Variants in ACSM4 observed in about 807,000 individuals in gnomAD.
The protein encoded by ACSM4 is acyl-coenzyme A synthetase ACSM4, mitochondrial.
In ACSM4, 66 loss-of-function variants were observed where a neutral mutation model predicts 73.0. That is an observed-to-expected ratio of 0.90 (90% CI 0.74 to 1.11). The LOEUF is 1.11. ACSM4 is among the 50% of genes least tolerant of loss of function. The pLI, the probability that ACSM4 is intolerant of heterozygous loss-of-function variation, is 0.00. For synonymous variants in ACSM4, 222 were observed against 254.0 expected, an observed-to-expected ratio of 0.87 and a Z score of 1.20; for missense variants, 645 against 714.4, an observed-to-expected ratio of 0.90 and a Z score of 1.11.
chr12:7,324,871 A>G (rs1946492371), intron 11 of ACSM4, among the ~76,000 whole-genome samples: 1 of 152,064 alleles, frequency 6.6e-6, no homozygotes, highest in Admixed American at 6.5e-5. Flanking sequence ...ATAAGTGACA[A>G]GTACTTAAGT....
chr12:7,308,594 A>G (rs1946373401), intron 2 of ACSM4, among the ~76,000 whole-genome samples: 1 of 152,218 alleles, frequency 6.6e-6, no homozygotes, highest in Non-Finnish European at 1.5e-5. Context: ...GTACATTCAT[A>G]TCACCAATCT....
chr12:7,316,762 G>A (rs935411646), intron 3 of ACSM4, among the ~76,000 whole-genome samples: 6 of 152,132 alleles, frequency 3.9e-5, no homozygotes, highest in Admixed American at 1.3e-4. Flanking sequence ...AACATTAATA[G>A]CAATGTATGA....
At chr12:7,305,409 A>G (rs1946356581) in intron 1 of ACSM4, among the ~76,000 whole-genome samples, 1 of 152,248 alleles carries the variant, frequency 6.6e-6, no homozygotes, top group African/African-American at 2.4e-5. Context: ...GTAGCGAAGT[A>G]TACAAAATAA....
intron 3 of ACSM4, among the ~76,000 whole-genome samples, chr12:7,312,387 A>C (rs1340916142): frequency 6.6e-6 from 1 of 152,220 alleles, no homozygotes; most frequent in Admixed American, 6.5e-5. Flanking sequence ...GCTGTGAAAA[A>C]ATGAGTGAAG....
intron 3 of ACSM4, among the ~76,000 whole-genome samples, chr12:7,311,806 G>A (rs1399301463): frequency 2.0e-5 from 3 of 151,982 alleles, no homozygotes; most frequent in Non-Finnish European, 2.9e-5. Flanking sequence ...CCTCCCACCT[G>A]AGCCTCCTGA....
chr12:7,305,375 G>A (rs185241467), intron 1 of ACSM4, among the ~76,000 whole-genome samples: 8 of 152,232 alleles, frequency 5.3e-5, no homozygotes, highest in Non-Finnish European at 8.8e-5. Context: ...ATGTATACAC[G>A]TAAAAAGTAA....
intron 12 of ACSM4, 137 bp downstream of exon 12, chr12:7,327,232 G>T (rs1946514517): frequency 8.8e-7 from 1 of 1,139,028 alleles, no homozygotes; most frequent in East Asian, 2.7e-5. Flanking sequence ...TTAACCCTAA[G>T]AATTTTGCTT....
Position 7,306,567 on chromosome 12 carries a change from G to A in ACSM4, c.236G>A (p.Trp79Ter), listed in dbSNP as rs61938907. Residue 79 changes from tryptophan (W) to a stop codon, truncating the protein, a stop_gained, in exon 2 of 13, where the codon TGG becomes TAG. Coordinates refer to ENST00000399422, the MANE Select transcript of ACSM4 (RefSeq NM_001080454.2). LOFTEE classifies it high-confidence loss of function. ...GERPANPALW[W>*]VNGKGDEVKW... is the part of the protein sequence containing the mutation. ...AGACCAGCTAACCCAGCCCTGTGGT[G>A]GGTGAATGGCAAAGGGGATGAGGTA... 6 of 1,600,874 alleles carry A rather than the reference G, an allele frequency of 3.7e-6. No individual in the cohort carries two copies. The highest frequency in any genetic ancestry group is 8.5e-7 in the Non-Finnish European group (1 of 1,173,828).
At chr12:7,315,317 A>C (rs1946414722) in intron 3 of ACSM4, among the ~76,000 whole-genome samples, 1 of 152,238 alleles carries the variant, frequency 6.6e-6, no homozygotes, top group Non-Finnish European at 1.5e-5. Flanking sequence ...GAAATTAAAA[A>C]TATGATACAC....
intron 3 of ACSM4, among the ~76,000 whole-genome samples, chr12:7,315,348 C>T (rs76655996): frequency 0.059 from 8,995 of 152,014 alleles, 327 homozygotes; most frequent in African/African-American, 0.099. Flanking sequence ...TGGTGGCTTA[C>T]GCCTGTAATC....
intron 2 of ACSM4, 144 bp from the exon 3 acceptor site, chr12:7,310,395 T>A: frequency 2.6e-6 from 2 of 758,530 alleles, no homozygotes; most frequent in Admixed American, 2.3e-5. Flanking sequence ...CAGGGTCCTG[T>A]GCAATATCCT....
At chr12:7,316,083 T>A (rs1946418901) in intron 3 of ACSM4, among the ~76,000 whole-genome samples, 1 of 152,158 alleles carries the variant, frequency 6.6e-6, no homozygotes, top group Non-Finnish European at 1.5e-5. Context: ...AGGACATAAG[T>A]CTGCCCTATA....
Position 7,310,636 on chromosome 12 carries a change from G to T in ACSM4, c.510G>T (p.Glu170Asp), listed in dbSNP as rs1946385103. ...SKAKCIVASEEVAPAVESIVL... is the reference protein window; with the variant it reads ...SKAKCIVASEDVAPAVESIVL... ...CCAAGTGCATTGTGGCCAGTGAGGA[G>T]GTGGCCCCAGCGGTGGAGTCCATTG... Residue 170 changes from glutamate (E) to aspartate (D), a missense_variant, in exon 3 of 13, where the codon GAG (glutamate) becomes GAT (aspartate). Coordinates refer to ENST00000399422, the MANE Select transcript of ACSM4 (RefSeq NM_001080454.2). The T allele has an allele frequency of 6.2e-7, 1 of 1,613,206 alleles. No homozygotes were observed. Among genetic ancestry groups the T allele is most frequent in the Non-Finnish European group, 8.5e-7 (1 of 1,179,664 alleles).
intron 1 of ACSM4, among the ~76,000 whole-genome samples, chr12:7,305,347 A>G (rs757151555): frequency 4.6e-5 from 7 of 152,356 alleles, no homozygotes; most frequent in Admixed American, 1.3e-4. Context: ...GATTAAATAT[A>G]TATTCCTTCT....
rs150140900 is a variant in ACSM4, at chr12:7,304,476, C to T, written c.145C>T (p.Pro49Ser). The T allele has an allele frequency of 1.1e-3, 1,854 of 1,613,966 alleles. 42 individuals are homozygous for T. The East Asian group carries it at 0.036, about 32-fold the overall frequency. ...CATAAATCGCTGTAACAGGCCATTG[C>T]CTAAAAACTTTAACTTTGCTGCAGA... is the stretch of plus-strand genomic sequence containing the variant. The part of the protein sequence containing the change: ...EAINRCNRPL[P>S]KNFNFAADVL... Residue 49 changes from proline to serine, a missense_variant, in exon 1 of 13, where the codon CCT (proline) becomes TCT (serine). By Grantham distance (74) the Pro-to-Ser change is moderately conservative. Transcript: ENST00000399422.
In ACSM4 at chr12:7,327,022, AC is replaced by A. The variant is rs775269753; in HGVS notation, c.1586del (p.Pro529GlnfsTer4). 1 of 1,612,822 alleles carries A rather than the reference AC, an allele frequency of 6.2e-7. No individual in the cohort carries two copies. The highest frequency in any genetic ancestry group is 1.7e-5 in the Admixed American group (1 of 59,914). On this transcript the variant is annotated frameshift_variant, in exon 12 of 13. Transcript: ENST00000399422. LOFTEE classifies it high-confidence loss of function. ...VVLAAPFKSY[N>X]PEKLTLELQD... is the part of the protein sequence containing the mutation. Reference sequence around the variant, plus strand: ...TTAGCTGCACCCTTTAAGTCCTACAACCCAGAGAAATTAACTCTTGAACTTC... The same window carrying A: ...TTAGCTGCACCCTTTAAGTCCTACAACCAGAGAAATTAACTCTTGAACTTC...
In ACSM4 at chr12:7,322,400, G is replaced by A; in HGVS notation, c.1002-18G>A. On this transcript the variant is annotated intron_variant, in intron 6 of 12. Transcript: ENST00000399422. Reference sequence around the variant, plus strand: ...TCAGGTTCCTCTTGAAAAGACCCATGCAACTCTGTCTCTCCAGATATAAAT... The same window carrying A: ...TCAGGTTCCTCTTGAAAAGACCCATACAACTCTGTCTCTCCAGATATAAAT... The A allele has an allele frequency of 4.3e-6, 7 of 1,613,208 alleles. No individual in the cohort carries two copies. Among genetic ancestry groups the A allele is most frequent in the Non-Finnish European group, 5.1e-6 (6 of 1,179,724 alleles).
intron 3 of ACSM4, among the ~76,000 whole-genome samples, chr12:7,313,025 T>C (rs1946400137): frequency 6.6e-6 from 1 of 152,174 alleles, no homozygotes; most frequent in East Asian, 1.9e-4. Context: ...AACGATACAA[T>C]TGTGCCACTG....
intron 12 of ACSM4, among the ~76,000 whole-genome samples, chr12:7,327,901 T>C (rs1165282855): frequency 1.3e-5 from 2 of 152,044 alleles, no homozygotes; most frequent in African/African-American, 2.4e-5. Context: ...AAATTATCCC[T>C]AAAAATCTTC....
Sources: allele counts gnomAD v4.1 joint callset (sites outside exome capture counted in the v4.1 genomes callset), GRCh38; gene constraint gnomAD v4.1.1; transcripts MANE v1.5; gene names NCBI Gene and HGNC (gene_info 2026-07-23, HGNC 2026-07-21).